NRG3: variants seen among roughly 807,000 people sequenced by gnomAD.
NRG3 encodes the protein neuregulin 3.
A neutral mutation model predicts 66.9 loss-of-function variants in NRG3; 31 were observed. The ratio of observed to expected loss-of-function variants is 0.46; its 90% confidence interval spans 0.35 to 0.63. The LOEUF is 0.63. Among genes scored for constraint, NRG3 ranks in the 20% least tolerant of loss-of-function variants. The probability of loss-of-function intolerance (pLI) is 0.00; values close to 1 mark genes in which losing one functional copy is unlikely to be tolerated. For missense variants in NRG3, 910 were observed against 878.9 expected (o/e 1.04, Z -0.45); for synonymous variants, 393 against 359.4 (o/e 1.09, Z -1.06).
intron 2 of NRG3, among the ~76,000 whole-genome samples, chr10:82,363,911 G>T (rs2084351206): frequency 6.6e-6 from 1 of 151,736 alleles, no homozygotes; most frequent in South Asian, 2.1e-4. Context: ...GTGTTTTGAG[G>T]ATATCCAATG....
chr10:82,047,054 G>C (rs1228619431), intron 1 of NRG3, among the ~76,000 whole-genome samples: 5 of 151,542 alleles, frequency 3.3e-5, no homozygotes, highest in Non-Finnish European at 7.4e-5. Context: ...TCTCTGCCAG[G>C]CTTTGGTATC....
chr10:81,913,003 A>G (rs1415326673), intron 1 of NRG3, among the ~76,000 whole-genome samples: 1 of 152,222 alleles, frequency 6.6e-6, no homozygotes, highest in Non-Finnish European at 1.5e-5. Context: ...AACTTAGACA[A>G]GCTAATTAAT....
At chr10:82,234,703 G>A (rs758606320) in intron 1 of NRG3, among the ~76,000 whole-genome samples, 31 of 152,168 alleles carry the variant, frequency 2.0e-4, no homozygotes, top group Admixed American at 7.9e-4. Context: ...GGACAGCATC[G>A]TAAAAGTTAA....
chr10:82,655,299 A>G (rs1382151421), intron 2 of NRG3, among the ~76,000 whole-genome samples: 1 of 152,154 alleles, frequency 6.6e-6, no homozygotes, highest in East Asian at 1.9e-4. Context: ...AACCTGTAGT[A>G]AACATCTTTG....
chr10:82,539,609 T>A (rs1322108714), intron 2 of NRG3, among the ~76,000 whole-genome samples: 1 of 152,010 alleles, frequency 6.6e-6, no homozygotes, highest in African/African-American at 2.4e-5. Flanking sequence ...CCAGCTCCCA[T>A]CTTGACTGCC....
chr10:82,604,497 A>G (rs1456339884), intron 2 of NRG3, among the ~76,000 whole-genome samples: 1 of 152,096 alleles, frequency 6.6e-6, no homozygotes, highest in Non-Finnish European at 1.5e-5. Flanking sequence ...TGTTATACAC[A>G]TTTGTGTACA....
At chr10:82,000,372 C>G (rs1425493954) in intron 1 of NRG3, among the ~76,000 whole-genome samples, 2 of 150,542 alleles carry the variant, frequency 1.3e-5, no homozygotes, top group East Asian at 3.9e-4. Context: ...TTTTTTTTTC[C>G]TTCTTGGCCA....
At chr10:82,908,836 T>A (rs913193636) in intron 4 of NRG3, among the ~76,000 whole-genome samples, 2 of 129,840 alleles carry the variant, frequency 1.5e-5, no homozygotes, top group Non-Finnish European at 3.3e-5. Flanking sequence ...ATGCTCAGAT[T>A]GCTTTCAGCG....
At chr10:82,599,443 G>A (rs374726464) in intron 2 of NRG3, among the ~76,000 whole-genome samples, 11 of 152,108 alleles carry the variant, frequency 7.2e-5, no homozygotes, top group African/African-American at 1.9e-4. Flanking sequence ...GAGTTTTAAC[G>A]TTCAAACCAA....
Position 82,955,426 on chromosome 10 carries a change from C to T in NRG3, c.1158-3523C>T, listed in dbSNP as rs530958327. On this transcript the variant is annotated intron_variant, in intron 5 of 8. Transcript: ENST00000372141. ...TGTCAAGTCTGGCCAGTGTGGCTCA[C>T]GCAATGACTGTAAATTATTCAAGTT... Among the ~76,000 whole-genome samples, 8 of 151,978 alleles carry T rather than the reference C, an allele frequency of 5.3e-5. No individual in the cohort carries two copies. The East Asian group carries it at 5.8e-4, about 11-fold the overall frequency.
At chr10:82,803,152 A>G (rs371797629) in intron 3 of NRG3, among the ~76,000 whole-genome samples, 49 of 152,296 alleles carry the variant, frequency 3.2e-4, no homozygotes, top group African/African-American at 1.2e-3. Context: ...CCAGACCCCT[A>G]TACTTCCTGT....
At chr10:82,516,240 A>C (rs948550923) in intron 2 of NRG3, among the ~76,000 whole-genome samples, 1 of 152,064 alleles carries the variant, frequency 6.6e-6, no homozygotes, top group Non-Finnish European at 1.5e-5. Flanking sequence ...TGTCTATGAC[A>C]TTCTCACTCT....
chr10:82,162,039 G>A (rs1414865648), intron 1 of NRG3, among the ~76,000 whole-genome samples: 3 of 152,030 alleles, frequency 2.0e-5, no homozygotes, highest in African/African-American at 7.2e-5. Flanking sequence ...ATATATTAAG[G>A]GAAACTTCCA....
At position 82,893,348 on chromosome 10, in the gene NRG3, T is replaced by G. The variant is rs75273803; in HGVS notation, c.1054+27911T>G. ...GGGATATTAACATATTTATAGTTAA[T>G]TCTTAGAACTAGAAGTAATGATAAT... On this transcript the variant is annotated intron_variant, in intron 4 of 8. Transcript: ENST00000372141. Among the ~76,000 whole-genome samples, 5 of 152,334 alleles carry G rather than the reference T, an allele frequency of 3.3e-5. No homozygotes were observed. In the East Asian group the frequency reaches 9.6e-4, roughly 29 times the overall value.
intron 1 of NRG3, among the ~76,000 whole-genome samples, chr10:82,050,093 A>G (rs2063520509): frequency 6.6e-6 from 1 of 152,044 alleles, no homozygotes. Flanking sequence ...TAAGATGGAT[A>G]AGCAGTGATG....
intron 2 of NRG3, among the ~76,000 whole-genome samples, chr10:82,377,457 T>TGTGTGCGCGC (rs57900993): frequency 8.6e-5 from 13 of 150,344 alleles, no homozygotes; most frequent in African/African-American, 3.0e-4. Flanking sequence ...TGTGTGTGTG[T>TGTGTGCGCGC]GCGCGAGCGC....
At chr10:82,139,239 A>G (rs1017217544) in intron 1 of NRG3, among the ~76,000 whole-genome samples, 2 of 152,166 alleles carry the variant, frequency 1.3e-5, no homozygotes, top group African/African-American at 4.8e-5. Context: ...CAAAATGGTT[A>G]TTCCACACAT....
At chr10:82,724,240 C>G (rs1467600061) in intron 2 of NRG3, among the ~76,000 whole-genome samples, 1 of 150,406 alleles carries the variant, frequency 6.6e-6, no homozygotes, top group Non-Finnish European at 1.5e-5. Flanking sequence ...TTTTTAAGAC[C>G]AGACCTCCCT....
chr10:82,616,053 T>G (rs2048627534), intron 2 of NRG3, among the ~76,000 whole-genome samples: 1 of 152,138 alleles, frequency 6.6e-6, no homozygotes, highest in Admixed American at 6.6e-5. Context: ...AAACACACAT[T>G]CATCCACAGG....
Sources: allele counts gnomAD v4.1 joint callset (sites outside exome capture counted in the v4.1 genomes callset), GRCh38; gene constraint gnomAD v4.1.1; transcripts MANE v1.5; gene names NCBI Gene and HGNC (gene_info 2026-07-23, HGNC 2026-07-21).